Variants in AGO3 observed in about 807,000 individuals in gnomAD.
AGO3 encodes argonaute RISC catalytic component 3, also known as protein argonaute-3.
In AGO3, 16 loss-of-function variants were observed where a neutral mutation model predicts 105.5. The ratio of observed to expected loss-of-function variants is 0.15; its 90% CI spans 0.10 to 0.23. The LOEUF (loss-of-function observed/expected upper bound fraction) is 0.23, where lower values mean the gene tolerates loss of function less well. Among genes scored for constraint, AGO3 ranks in the 10% least tolerant of loss-of-function variants. The probability of loss-of-function intolerance (pLI) is 1.00; values close to 1 mark genes in which losing one functional copy is unlikely to be tolerated. For missense variants in AGO3, 534 were observed against 1,088.0 expected (o/e 0.49, Z 7.16); for synonymous variants, 340 against 367.3 (o/e 0.93, Z 0.85).
chr1:36,032,176 C>T (rs534413971), intron 12 of AGO3, among the ~76,000 whole-genome samples: 16 of 152,236 alleles, frequency 1.1e-4, no homozygotes, highest in Non-Finnish European at 1.9e-4. Flanking sequence ...CCACCAACAG[C>T]GCACAGGAGT....
intron 2 of AGO3, among the ~76,000 whole-genome samples, chr1:35,951,520 T>C (rs1034340542): frequency 2.6e-5 from 4 of 152,100 alleles, no homozygotes; most frequent in Admixed American, 2.0e-4. Context: ...CACCTCAGCA[T>C]CCTGAGTAGC....
chr1:36,046,241 G>C (rs1033960175), intron 17 of AGO3, among the ~76,000 whole-genome samples: 1 of 152,150 alleles, frequency 6.6e-6, no homozygotes, highest in African/African-American at 2.4e-5. Context: ...CTTGGAAGTG[G>C]AACTATAGCT....
At chr1:35,997,945 C>T (rs1408000385) in intron 5 of AGO3, among the ~76,000 whole-genome samples, 1 of 152,088 alleles carries the variant, frequency 6.6e-6, no homozygotes, top group Non-Finnish European at 1.5e-5. Flanking sequence ...GATCCACCCG[C>T]CTTGGCCTCC....
intron 13 of AGO3, among the ~76,000 whole-genome samples, chr1:36,035,902 G>C (rs1033913044): frequency 6.6e-6 from 1 of 151,904 alleles, no homozygotes; most frequent in South Asian, 2.1e-4. Flanking sequence ...GTGTGGTGGC[G>C]GGCGCCTGTA....
intron 1 of AGO3, among the ~76,000 whole-genome samples, chr1:35,931,943 T>C (rs747983635): frequency 6.6e-6 from 1 of 152,234 alleles, no homozygotes; most frequent in South Asian, 2.1e-4. Context: ...TCGAGTTCTT[T>C]TCTGTTGTTT....
In AGO3 at chr1:36,008,992, T is replaced by G; in HGVS notation, c.977T>G (p.Leu326Arg). ...KYTLQLKYPH[L>R]PCLQVGQEQK... ...ACTCTTCAGCTGAAGTACCCGCACC[T>G]TCCCTGTCTGCAAGTCGGGCAGGAA... The change falls in exon 8 of 19, where the codon CTT becomes CGT. Residue 326 changes from leucine (L) to arginine (R), a missense_variant. By Grantham distance (102) the Leu-to-Arg change is moderately radical. This residue lies in a region of AGO3 where 373 missense variants were observed against 854.0 expected (regional missense o/e 0.44). Transcript: ENST00000373191. The surrounding 1 kb of genome is among the most constrained non-coding windows in gnomAD (Gnocchi z 5.1). The G allele has an allele frequency of 6.2e-7, 1 of 1,607,018 alleles. No homozygotes were observed. Among genetic ancestry groups the G allele is most frequent in the Non-Finnish European group, 8.5e-7 (1 of 1,176,668 alleles).
chr1:35,983,430 G>T (rs918647730), intron 5 of AGO3: 2 of 137,156 alleles, frequency 1.5e-5, no homozygotes, highest in Admixed American at 7.3e-5. Context: ...AAAAAAAAAA[G>T]AAAAAGAAAA....
At position 36,009,468 on chromosome 1, in the gene AGO3, T is replaced by C; in HGVS notation, c.1030-7T>C. ...ACATGTAGTACAAAACTTTTTTCCA[T>C]TTGTAGGTCTGTAATATTGTGGCAG... is the stretch of plus-strand genomic sequence containing the variant. On this transcript the variant is annotated splice_region_variant and splice_polypyrimidine_tract_variant and intron_variant, in intron 8 of 18. Transcript: ENST00000373191. The C allele has an allele frequency of 1.9e-6, 3 of 1,606,968 alleles. No individual in the cohort carries two copies. The highest frequency in any genetic ancestry group is 2.5e-6 in the Non-Finnish European group (3 of 1,177,676).
chr1:36,066,729 A>G lies in AGO3; in HGVS notation c.*10984A>G, dbSNP rs1042736052. 2.6e-5 allele frequency: 4 copies of G among 152,234 alleles called. No homozygotes were observed. Among genetic ancestry groups the G allele is most frequent in the African/African-American group, 9.6e-5 (4 of 41,470 alleles). The allele number at this position is 152,234 out of a possible 1,614,324, so 9.4% of individuals were successfully genotyped here. ...GAAGGAAAGACTGCAAAAATGTTGC[A>G]TACGTGACTCTTTATTGTCAGAATC... On this transcript the variant is annotated 3_prime_UTR_variant, in exon 19 of 19. Transcript: ENST00000373191.
chr1:35,985,894 G>A (rs1384390983), intron 5 of AGO3, among the ~76,000 whole-genome samples: 1 of 152,138 alleles, frequency 6.6e-6, no homozygotes, highest in Non-Finnish European at 1.5e-5. Context: ...TGAAAAATAG[G>A]TAGTTCTCAA....
chr1:36,006,112 T>C (rs893047450), intron 6 of AGO3, among the ~76,000 whole-genome samples: 4 of 151,924 alleles, frequency 2.6e-5, no homozygotes, highest in Non-Finnish European at 4.4e-5. Flanking sequence ...ATAGGGCTTT[T>C]TTTTTTTTTA....
At chr1:35,994,511 AATC>A (rs1248156693) in intron 5 of AGO3, among the ~76,000 whole-genome samples, 3 of 152,210 alleles carry the variant, frequency 2.0e-5, no homozygotes, top group African/African-American at 7.2e-5. Context: ...ATTATTTGGT[AATC>A]ATACTGGAGG....
chr1:36,036,855 C>T (rs1225787354), intron 14 of AGO3, among the ~76,000 whole-genome samples: 4 of 151,938 alleles, frequency 2.6e-5, no homozygotes, highest in East Asian at 1.9e-4. Context: ...CCACCATGCC[C>T]GGCTAATTTT....
At chr1:35,963,586 G>A (rs1003107938) in intron 2 of AGO3, among the ~76,000 whole-genome samples, 1 of 151,982 alleles carries the variant, frequency 6.6e-6, no homozygotes, top group Non-Finnish European at 1.5e-5. Context: ...ACCATGAACT[G>A]AGGAGTATGA....
intron 1 of AGO3, among the ~76,000 whole-genome samples, chr1:35,937,256 A>T (rs2148740663): frequency 6.6e-6 from 1 of 152,234 alleles, no homozygotes. Flanking sequence ...ACAAAAAATT[A>T]GCCGGGCATA....
chr1:35,995,209 A>AAATATATATATATATATATATATAT (rs1237315557), intron 5 of AGO3, among the ~76,000 whole-genome samples: 1 of 114,790 alleles, frequency 8.7e-6, no homozygotes, highest in African/African-American at 3.8e-5. Context: ...TAAAAAAAAA[A>AAATATATATATATATATATATATAT]ATATATATAT....
intron 1 of AGO3, among the ~76,000 whole-genome samples, chr1:35,938,808 A>G (rs533509121): frequency 6.6e-6 from 1 of 152,308 alleles, no homozygotes; most frequent in African/African-American, 2.4e-5. Flanking sequence ...GTAATTGGCT[A>G]TAGTATATGT....
chr1:36,011,069 G>T lies in AGO3; in HGVS notation c.1149+1475G>T, dbSNP rs562969541. ...GGGGAAGGAAGGCGTTACCAATACC[G>T]CTTTATAAAACTCATAGAGTAAGGC... On this transcript the variant is annotated intron_variant, in intron 9 of 18. Transcript: ENST00000373191. Among the ~76,000 whole-genome samples the T allele has an allele frequency of 2.0e-4, 31 of 152,232 alleles. No homozygotes were observed. The South Asian group carries it at 2.7e-3, about 13-fold the overall frequency.
chr1:36,055,169 C>G lies in AGO3; in HGVS notation c.2474+24C>G. 1 of 1,561,872 alleles carries G rather than the reference C, an allele frequency of 6.4e-7. No homozygotes were observed. Among genetic ancestry groups the G allele is most frequent in the Non-Finnish European group, 8.7e-7 (1 of 1,151,224 alleles). Reference sequence around the variant, plus strand: ...AGGTAATATAAAAGCATAACAGGTTCTCACCCAAATCCCAATATTGTCTGC... The same window carrying G: ...AGGTAATATAAAAGCATAACAGGTTGTCACCCAAATCCCAATATTGTCTGC... On this transcript the variant is annotated intron_variant, in intron 18 of 18. Coordinates refer to ENST00000373191, the MANE Select transcript of AGO3 (RefSeq NM_024852.4). This position sits in a 1 kb window ranked among gnomAD's most constrained non-coding sequence, Gnocchi z 4.4.
Sources: allele counts gnomAD v4.1 joint callset (sites outside exome capture counted in the v4.1 genomes callset), GRCh38; gene constraint gnomAD v4.1.1; regional missense constraint gnomAD v4.1.1; non-coding constraint Gnocchi (gnomAD v3.1); transcripts MANE v1.5; gene names NCBI Gene and HGNC (gene_info 2026-07-23, HGNC 2026-07-21).